Variants in ATP8A1 observed in about 807,000 individuals in gnomAD.
ATP8A1 encodes the protein ATPase phospholipid transporting 8A1, also known as phospholipid-transporting ATPase IA.
Under a neutral mutation model 177.7 loss-of-function variants are expected in ATP8A1, and 90 were observed. That is an observed-to-expected ratio of 0.51 (90% CI 0.43 to 0.60). The LOEUF is 0.60. Ranked by LOEUF, ATP8A1 falls within the 20% of genes least tolerant of loss-of-function variation. The pLI is 0.00. For synonymous variants in ATP8A1, 493 were observed against 485.9 expected (o/e 1.01, Z -0.19); for missense variants, 1,072 against 1,392.8 (o/e 0.77, Z 3.67).
At chr4:42,503,583 A>G (rs1453355525) in intron 23 of ATP8A1, 69 bp from the exon 24 acceptor site, 6 of 1,010,732 alleles carry the variant, frequency 5.9e-6, no homozygotes, top group Non-Finnish European at 8.9e-6. Context: ...TAAAACAATG[A>G]TATGTACTAT....
rs530537325 is a variant in ATP8A1 at position 42,553,277 on chromosome 4, T to G, written c.1414-667A>C. Among the ~76,000 whole-genome samples, 3 of 152,288 alleles carry G rather than the reference T, an allele frequency of 2.0e-5. No homozygotes were observed. The East Asian group carries it at 5.8e-4, about 29-fold the overall frequency. ...AGATGTTCATTTACCTAGTTGTAAT[T>G]CCTGATCAGATTTAAATTTTAGGCA... On this transcript the variant is annotated intron_variant, in intron 16 of 36. Transcript: ENST00000381668.
chr4:42,497,133 A>G (rs1276439464), intron 24 of ATP8A1, among the ~76,000 whole-genome samples: 1 of 152,234 alleles, frequency 6.6e-6, no homozygotes, highest in Non-Finnish European at 1.5e-5. Context: ...AGGTACGGTT[A>G]TTTAAAACCA....
At chr4:42,495,940 T>C (rs150837453) in intron 24 of ATP8A1, among the ~76,000 whole-genome samples, 2 of 152,232 alleles carry the variant, frequency 1.3e-5, no homozygotes, top group Non-Finnish European at 2.9e-5. Context: ...GGGGTAGATA[T>C]GGAATACTGT....
Position 42,444,605 on chromosome 4 carries a change from A to G in ATP8A1, c.2988T>C (p.Ala996=). Residue 996 remains alanine (A), a synonymous_variant, in exon 32 of 37, where the codon GCT becomes GCC. Transcript: ENST00000381668. ...TFVVITVCLK[A]GLETSYWTWF... Reference sequence around the variant, plus strand: ...ATGTCCAATATGATGTCTCCAATCCAGCTTTCAAACACACAGTTATCACCA... The same window carrying G: ...ATGTCCAATATGATGTCTCCAATCCGGCTTTCAAACACACAGTTATCACCA... 1 of 1,614,110 alleles carries G rather than the reference A, an allele frequency of 6.2e-7. No individual in the cohort carries two copies. Among genetic ancestry groups the G allele is most frequent in the Non-Finnish European group, 8.5e-7 (1 of 1,179,976 alleles).
intron 16 of ATP8A1, among the ~76,000 whole-genome samples, chr4:42,553,832 A>T (rs1729765739): frequency 6.6e-6 from 1 of 152,166 alleles, no homozygotes; most frequent in South Asian, 2.1e-4. Context: ...TGCAAATATC[A>T]TGTAATGTGA....
intron 25 of ATP8A1, among the ~76,000 whole-genome samples, chr4:42,466,265 T>C (rs1719755844): frequency 6.6e-6 from 1 of 152,214 alleles, no homozygotes; most frequent in Non-Finnish European, 1.5e-5. Context: ...AAATTATTTA[T>C]CAAGGTTATG....
In ATP8A1 at chr4:42,514,704, C is replaced by T. The variant is rs1040115720; in HGVS notation, c.1947+7456G>A. The stretch of plus-strand genomic sequence containing the variant: ...GCTTTCTTCAAAAGCAAGTTGGCAA[C>T]GTAACTTACAGATTATTAGCATGGG... On this transcript the variant is annotated intron_variant, in intron 22 of 36. Transcript: ENST00000381668. Among the ~76,000 whole-genome samples the T allele has an allele frequency of 5.9e-5, 9 of 152,024 alleles. No individual in the cohort carries two copies. In the East Asian group the frequency reaches 9.6e-4, roughly 16 times the overall value.
chr4:42,439,229 G>A (rs1007593287), intron 33 of ATP8A1, among the ~76,000 whole-genome samples: 1 of 152,144 alleles, frequency 6.6e-6, no homozygotes, highest in African/African-American at 2.4e-5. Flanking sequence ...AGGCATACAA[G>A]AGAAACTCTT....
chr4:42,629,574 T>C (rs913781074), intron 1 of ATP8A1, among the ~76,000 whole-genome samples: 1 of 152,242 alleles, frequency 6.6e-6, no homozygotes, highest in Non-Finnish European at 1.5e-5. Context: ...ATCAGGCACC[T>C]GAAGCCCACT....
At chr4:42,444,305 C>G (rs1414811906) in intron 32 of ATP8A1, among the ~76,000 whole-genome samples, 3 of 152,136 alleles carry the variant, frequency 2.0e-5, no homozygotes, top group Non-Finnish European at 4.4e-5. Flanking sequence ...AAAGTCTCAC[C>G]ACTTCCTGGG....
At chr4:42,532,196 A>G (rs1326782581) in intron 20 of ATP8A1, among the ~76,000 whole-genome samples, 2 of 152,078 alleles carry the variant, frequency 1.3e-5, no homozygotes, top group South Asian at 2.1e-4. Context: ...AAAGATCTCT[A>G]TAAGAAAAAC....
intron 25 of ATP8A1, among the ~76,000 whole-genome samples, chr4:42,474,842 A>G (rs1011275106): frequency 2.0e-5 from 3 of 152,202 alleles, no homozygotes; most frequent in African/African-American, 7.2e-5. Flanking sequence ...CTCACAGAAT[A>G]GAGTACAAAA....
At chr4:42,567,273 T>C (rs1731448710) in intron 15 of ATP8A1, among the ~76,000 whole-genome samples, 1 of 152,232 alleles carries the variant, frequency 6.6e-6, no homozygotes, top group Non-Finnish European at 1.5e-5. Context: ...GCATGGTGGC[T>C]GACACCTGTA....
chr4:42,592,680 G>A (rs187374689), intron 6 of ATP8A1, among the ~76,000 whole-genome samples: 17 of 152,208 alleles, frequency 1.1e-4, no homozygotes, highest in Non-Finnish European at 2.2e-4. Flanking sequence ...CACTGTGTGA[G>A]CATCATAGAG....
intron 25 of ATP8A1, among the ~76,000 whole-genome samples, chr4:42,473,211 C>T (rs753463364): frequency 3.5e-4 from 54 of 152,260 alleles, no homozygotes; most frequent in Middle Eastern, 6.8e-3. Context: ...TAAAGCTCTG[C>T]GGAAGAACAC....
At chr4:42,656,705 A>T in intron 1 of ATP8A1, 120 bp downstream of exon 1, 1 of 1,221,012 alleles carries the variant, frequency 8.2e-7, no homozygotes, top group Non-Finnish European at 1.1e-6. Context: ...GCCGGGCGCG[A>T]CAGTCGGACT....
intron 19 of ATP8A1, among the ~76,000 whole-genome samples, chr4:42,544,835 A>G (rs1462740936): frequency 6.6e-6 from 1 of 152,208 alleles, no homozygotes. Context: ...CATAGTGTAC[A>G]GTCAGGAGTT....
intron 22 of ATP8A1, among the ~76,000 whole-genome samples, chr4:42,520,035 T>G (rs1229296603): frequency 6.6e-6 from 1 of 152,134 alleles, no homozygotes; most frequent in African/African-American, 2.4e-5. Flanking sequence ...ACGTTGAACA[T>G]CTAGTTCAGT....
At chr4:42,474,039 G>A (rs1720784907) in intron 25 of ATP8A1, among the ~76,000 whole-genome samples, 1 of 152,080 alleles carries the variant, frequency 6.6e-6, no homozygotes, top group Admixed American at 6.5e-5. Flanking sequence ...TTTCTCCAAG[G>A]AACCTTCTCT....
Sources: gnomAD v4.1 joint callset for allele counts (sites outside exome capture counted in the v4.1 genomes callset) on GRCh38, gnomAD v4.1.1 for gene constraint, MANE v1.5 for transcripts, NCBI Gene and HGNC (gene_info 2026-07-23, HGNC 2026-07-21) for gene names.